BMPR1A: variants seen among roughly 807,000 people sequenced by gnomAD.
BMPR1A encodes bone morphogenetic protein receptor type-1A.
BMPR1A carries 7 observed loss-of-function variants against 66.0 expected under a neutral mutation model. The ratio of observed to expected loss-of-function variants is 0.11; its 90% CI spans 0.06 to 0.20. The LOEUF (loss-of-function observed/expected upper bound fraction) is 0.20, where lower values mean the gene tolerates loss of function less well. BMPR1A is among the 10% of genes least tolerant of loss of function. The pLI is 1.00. For synonymous variants in BMPR1A, 200 were observed against 229.7 expected, an observed-to-expected ratio of 0.87 and a Z score of 1.17; for missense variants, 408 against 669.1, an observed-to-expected ratio of 0.61 and a Z score of 4.31.
At chr10:86,887,694 T>C (rs1843085264) in intron 3 of BMPR1A, among the ~76,000 whole-genome samples, 1 of 152,232 alleles carries the variant, frequency 6.6e-6, no homozygotes, top group Non-Finnish European at 1.5e-5. Context: ...TGTCACTAGA[T>C]TTTTGAAAAA....
In BMPR1A at chr10:86,923,435, G is replaced by A. The variant is rs199907158; in HGVS notation, c.1402G>A (p.Glu468Lys). Residue 468 changes from glutamate to lysine, a missense_variant, in exon 12 of 13, where the codon GAA (glutamate) becomes AAA (lysine). By Grantham distance (56) the Glu-to-Lys change is moderately conservative. This residue lies in a region of BMPR1A where 130 missense variants were observed against 257.3 expected (regional missense o/e 0.51). Coordinates refer to ENST00000372037, the MANE Select transcript of BMPR1A (RefSeq NM_004329.3). ...YNMVPSDPSY[E>K]DMREVVCVKR... is the part of the protein sequence containing the mutation. Reference sequence around the variant, plus strand: ...CATGGTACCGAGTGATCCGTCATACGAAGATATGCGTGAGGTTGTGTGTGT... The same window carrying A: ...CATGGTACCGAGTGATCCGTCATACAAAGATATGCGTGAGGTTGTGTGTGT... 5 of 1,614,182 alleles carry A rather than the reference G, an allele frequency of 3.1e-6. No homozygotes were observed. Among genetic ancestry groups the A allele is most frequent in the African/African-American group, 2.7e-5 (2 of 75,040 alleles).
At chr10:86,835,750 G>C (rs1023939271) in intron 1 of BMPR1A, among the ~76,000 whole-genome samples, 2 of 151,930 alleles carry the variant, frequency 1.3e-5, no homozygotes, top group Non-Finnish European at 2.9e-5. Context: ...CATGGGTAGT[G>C]AGCTTTAAAG....
At chr10:86,766,485 G>T (rs1841164211) in intron 1 of BMPR1A, among the ~76,000 whole-genome samples, 1 of 151,992 alleles carries the variant, frequency 6.6e-6, no homozygotes, top group Non-Finnish European at 1.5e-5. Context: ...TCTTAGAAAT[G>T]CATTTACTAT....
chr10:86,788,710 C>T (rs1201009393), intron 1 of BMPR1A, among the ~76,000 whole-genome samples: 6 of 152,060 alleles, frequency 3.9e-5, no homozygotes, highest in South Asian at 2.1e-4. Context: ...TGGGTTCACG[C>T]GACTCTCCTG....
intron 2 of BMPR1A, among the ~76,000 whole-genome samples, chr10:86,862,063 G>A (rs1408727514): frequency 6.6e-6 from 1 of 152,206 alleles, no homozygotes; most frequent in Non-Finnish European, 1.5e-5. Context: ...TATAAAGTGA[G>A]TGAAACAGAC....
At chr10:86,932,823 C>CT (rs1843823820), downstream of BMPR1A, 1 of 152,244 alleles carries the variant, frequency 6.6e-6, no homozygotes, top group African/African-American at 2.4e-5. Flanking sequence ...GAAATAAAAT[C>CT]TAACAGTAGG....
At chr10:86,876,564 A>T (rs568759056) in intron 3 of BMPR1A, among the ~76,000 whole-genome samples, 1 of 152,140 alleles carries the variant, frequency 6.6e-6, no homozygotes, top group Non-Finnish European at 1.5e-5. Context: ...TGGGCGGATC[A>T]TGAGGTCAGG....
In BMPR1A at chr10:86,875,987, T is replaced by C. The variant is rs1344599774; in HGVS notation, c.-32T>C. ...AAGTAGCAAGACCAATTATTAAAGG[T>C]GACAGTACACAGGAAACATTACAAT... On this transcript the variant is annotated 5_prime_UTR_variant, in exon 3 of 13. Transcript: ENST00000372037. 2.6e-6 allele frequency: 4 copies of C among 1,537,194 alleles called. No homozygotes were observed. Among genetic ancestry groups the C allele is most frequent in the Non-Finnish European group, 2.7e-6 (3 of 1,113,562 alleles).
intron 1 of BMPR1A, among the ~76,000 whole-genome samples, chr10:86,782,765 A>T (rs1423103743): frequency 1.3e-5 from 2 of 152,056 alleles, no homozygotes; most frequent in African/African-American, 4.8e-5. Context: ...CCCCTATCCA[A>T]TACATGATTT....
In BMPR1A at chr10:86,843,957, T is replaced by C. The variant is rs138762511; in HGVS notation, c.-153+4978T>C. Among the ~76,000 whole-genome samples the C allele has an allele frequency of 3.2e-3, 488 of 152,150 alleles. 3 individuals carry two copies. The highest frequency in any genetic ancestry group is 6.1e-3 in the Non-Finnish European group (414 of 68,002). ...GAAAAGAAAGACTCAATGATAAAGGTATTGCGGCAGAAGAAGGGACACCGA... is the reference window on the plus strand; with the variant it reads ...GAAAAGAAAGACTCAATGATAAAGGCATTGCGGCAGAAGAAGGGACACCGA... On this transcript the variant is annotated intron_variant, in intron 2 of 12. Coordinates refer to ENST00000372037, the MANE Select transcript of BMPR1A (RefSeq NM_004329.3).
chr10:86,889,169 T>G (rs1320114898), intron 3 of BMPR1A, among the ~76,000 whole-genome samples: 1 of 152,182 alleles, frequency 6.6e-6, no homozygotes, highest in Non-Finnish European at 1.5e-5. Context: ...CCTGAAAGAT[T>G]TAGTACCAAA....
chr10:86,919,485 C>T lies in BMPR1A; in HGVS notation c.1166+16C>T, dbSNP rs779667550. 6.2e-7 allele frequency: 1 copy of T among 1,612,512 alleles called. No homozygotes were observed. Among genetic ancestry groups the T allele is most frequent in the Middle Eastern group, 1.8e-4 (1 of 5,538 alleles). On this transcript the variant is annotated intron_variant, in intron 10 of 12. Transcript: ENST00000372037. ...AATTCAACAGGTGAGTGGTTCTTTG[C>T]CCCACTGTTTTGAAATTATTTTAAT...
chr10:86,909,174 T>C (rs1437780714), intron 7 of BMPR1A, among the ~76,000 whole-genome samples: 1 of 152,198 alleles, frequency 6.6e-6, no homozygotes, highest in Non-Finnish European at 1.5e-5. Context: ...AGGATGGAAG[T>C]ATTTCTGTTT....
At chr10:86,800,843 AAAAC>A (rs1197315264) in intron 1 of BMPR1A, among the ~76,000 whole-genome samples, 1 of 152,268 alleles carries the variant, frequency 6.6e-6, no homozygotes, top group African/African-American at 2.4e-5. Flanking sequence ...TACGTAATGA[AAAAC>A]TAACTAGAAG....
chr10:86,778,603 G>A (rs138928128), intron 1 of BMPR1A, among the ~76,000 whole-genome samples: 26 of 152,170 alleles, frequency 1.7e-4, no homozygotes, highest in Non-Finnish European at 7.4e-5. Flanking sequence ...TGTTCGGAAC[G>A]TTTGATATTC....
intron 1 of BMPR1A, among the ~76,000 whole-genome samples, chr10:86,816,475 C>T (rs546768130): frequency 6.6e-6 from 1 of 152,202 alleles, no homozygotes; most frequent in Admixed American, 6.5e-5. Context: ...AGTTGATTGT[C>T]AGAGAAACTG....
intron 11 of BMPR1A, among the ~76,000 whole-genome samples, chr10:86,922,531 G>C (rs986303706): frequency 6.6e-6 from 1 of 152,208 alleles, no homozygotes; most frequent in Non-Finnish European, 1.5e-5. Flanking sequence ...TCGGCATGTG[G>C]TTGTCCCAAT....
chr10:86,776,288 C>A (rs1263461837), intron 1 of BMPR1A, among the ~76,000 whole-genome samples: 1 of 152,100 alleles, frequency 6.6e-6, no homozygotes, highest in South Asian at 2.1e-4. Context: ...CTTTGAGTTG[C>A]CTGCAGCAAG....
chr10:86,921,370 GTA>G (rs1482403126), intron 10 of BMPR1A, 148 bp from the exon 11 acceptor site: 1 of 982,552 alleles, frequency 1.0e-6, no homozygotes, highest in Non-Finnish European at 1.5e-6. Flanking sequence ...TATGTAGCAT[GTA>G]TTTAAAGAAA....
Sources: gnomAD v4.1 joint callset for allele counts (sites outside exome capture counted in the v4.1 genomes callset) on GRCh38, gnomAD v4.1.1 for gene constraint, gnomAD v4.1.1 regional missense constraint, MANE v1.5 for transcripts, NCBI Gene and HGNC (gene_info 2026-07-23, HGNC 2026-07-21) for gene names.